SCAND3: variants seen among roughly 807,000 people sequenced by gnomAD.
SCAND3 encodes SCAN domain containing 3.
chr6:28,594,487 T>C, the SCAND3 span, among the ~76,000 whole-genome samples: 3 of 152,232 alleles, frequency 2.0e-5, no homozygotes, highest in Non-Finnish European at 4.4e-5. Flanking sequence ...AAACCCCGTT[T>C]CTACTAAAAA....
the SCAND3 span, among the ~76,000 whole-genome samples, chr6:28,607,059 C>A: frequency 2.0e-5 from 3 of 152,324 alleles, no homozygotes; most frequent in East Asian, 5.8e-4. Flanking sequence ...TCACAAATTG[C>A]GGAGTTTGCA....
At chr6:28,586,818 T>G in the SCAND3 span, 24 of 1,032,106 alleles carry the variant, frequency 2.3e-5, no homozygotes, top group African/African-American at 3.2e-5. This position sits in a 1 kb window ranked among gnomAD's most constrained non-coding sequence, Gnocchi z 4.4. Flanking sequence ...CAGGAAAGTT[T>G]TTGATATAAG....
chr6:28,604,652 A>G, the SCAND3 span, among the ~76,000 whole-genome samples: 5 of 151,566 alleles, frequency 3.3e-5, no homozygotes, highest in Non-Finnish European at 5.9e-5. Flanking sequence ...TTACATATTT[A>G]TTTCTTGAAT....
chr6:28,611,560 T>G, the SCAND3 span, among the ~76,000 whole-genome samples: 4 of 152,238 alleles, frequency 2.6e-5, no homozygotes, highest in African/African-American at 9.6e-5. Context: ...AATGCACATA[T>G]AGAACAATGG....
the SCAND3 span, chr6:28,570,961 A>G: frequency 6.6e-6 from 1 of 152,192 alleles, no homozygotes; most frequent in South Asian, 2.1e-4. Flanking sequence ...TTCTAGCAAA[A>G]TCTAGAAACC....
the SCAND3 span, chr6:28,571,580 G>T: frequency 4.3e-6 from 1 of 230,964 alleles, no homozygotes; most frequent in Non-Finnish European, 8.2e-6. Context: ...TCCTGAAGTT[G>T]TCCTACAATC....
the SCAND3 span, among the ~76,000 whole-genome samples, chr6:28,580,848 T>C: frequency 8.1e-6 from 1 of 123,176 alleles, no homozygotes; most frequent in Non-Finnish European, 1.6e-5. Context: ...TTCCTCTACT[T>C]TTCCACCAGC....
At chr6:28,585,829 A>C in the SCAND3 span, among the ~76,000 whole-genome samples, 1 of 152,178 alleles carries the variant, frequency 6.6e-6, no homozygotes. Context: ...TTTTGAGCTC[A>C]AAACATTTTA....
chr6:28,577,293 A>C, the SCAND3 span, among the ~76,000 whole-genome samples: 1 of 152,246 alleles, frequency 6.6e-6, no homozygotes. Context: ...TGGAATTAGC[A>C]TAACATCTCT....
chr6:28,573,956 A>T, the SCAND3 span: 2 of 1,173,716 alleles, frequency 1.7e-6, no homozygotes, highest in Non-Finnish European at 2.2e-6. Flanking sequence ...TTATAAAAAT[A>T]AATAAATGCC....
chr6:28,603,708 CTAT>C, the SCAND3 span, among the ~76,000 whole-genome samples: 1,615 of 152,052 alleles, frequency 0.011, 30 homozygotes, highest in African/African-American at 0.036. Flanking sequence ...TCTTCCATTT[CTAT>C]TATTATTATT....
chr6:28,581,649 C>T, the SCAND3 span, among the ~76,000 whole-genome samples: 85 of 152,216 alleles, frequency 5.6e-4, no homozygotes, highest in African/African-American at 1.8e-3. Flanking sequence ...GGCCAGATAT[C>T]ATATTAGTGT....
At chr6:28,578,646 G>A in the SCAND3 span, among the ~76,000 whole-genome samples, 1 of 152,214 alleles carries the variant, frequency 6.6e-6, no homozygotes, top group South Asian at 2.1e-4. Flanking sequence ...GAAATACAGG[G>A]CAATGTCAAG....
chr6:28,574,814 A>G, the SCAND3 span: 10 of 1,614,006 alleles, frequency 6.2e-6, no homozygotes, highest in Admixed American at 1.7e-4. Context: ...CCATGTTGAG[A>G]GGGCACTCCA....
chr6:28,593,112 G>A, the SCAND3 span, among the ~76,000 whole-genome samples: 2 of 151,226 alleles, frequency 1.3e-5, no homozygotes, highest in African/African-American at 2.4e-5. Context: ...AGGAAACAAA[G>A]TGAAGAGGCA....
the SCAND3 span, among the ~76,000 whole-genome samples, chr6:28,608,424 G>A: frequency 6.6e-6 from 1 of 151,952 alleles, no homozygotes; most frequent in Non-Finnish European, 1.5e-5. Flanking sequence ...CCCTACGGGT[G>A]GTGTTGAGGC....
At chr6:28,576,296 G>A in the SCAND3 span, among the ~76,000 whole-genome samples, 1 of 152,156 alleles carries the variant, frequency 6.6e-6, no homozygotes, top group Non-Finnish European at 1.5e-5. Flanking sequence ...GTCTCACTCT[G>A]TTGCCCAGGC....
the SCAND3 span, among the ~76,000 whole-genome samples, chr6:28,578,216 G>C: frequency 6.6e-6 from 1 of 152,128 alleles, no homozygotes; most frequent in South Asian, 2.1e-4. Flanking sequence ...GTTACTGTGT[G>C]GTTTGGCCTC....
chr6:28,598,121 A>T, the SCAND3 span: 1 of 152,158 alleles, frequency 6.6e-6, no homozygotes, highest in East Asian at 1.9e-4. Context: ...GGGTGGGGCA[A>T]TCCTTCCTAG....
Sources: gnomAD v4.1 joint callset for allele counts (sites outside exome capture counted in the v4.1 genomes callset) on GRCh38, gnomAD v4.1.1 for gene constraint, Gnocchi (gnomAD v3.1) non-coding constraint, MANE v1.5 for transcripts, NCBI Gene and HGNC (gene_info 2026-07-23, HGNC 2026-07-21) for gene names.